Variants in CEACAM20 observed in about 807,000 individuals in gnomAD.
CEACAM20 encodes CEA cell adhesion molecule 20, also known as cell adhesion molecule CEACAM20.
A neutral mutation model predicts 61.2 loss-of-function variants in CEACAM20; 50 were observed. That is an observed-to-expected ratio of 0.82 (90% CI 0.65 to 1.03). The LOEUF is 1.03. Ranked by LOEUF, CEACAM20 falls within the 50% of genes least tolerant of loss-of-function variation. The pLI is 0.00. For synonymous variants in CEACAM20, 282 were observed against 287.7 expected (o/e 0.98, Z 0.20); for missense variants, 683 against 736.4 (o/e 0.93, Z 0.84).
chr19:44,511,841 A>G (rs1971010109), intron 9 of CEACAM20, among the ~76,000 whole-genome samples, 169 bp from the exon 10 acceptor site: 1 of 152,186 alleles, frequency 6.6e-6, no homozygotes, highest in South Asian at 2.1e-4. Flanking sequence ...AGGAGAAGAG[A>G]TGAAAAAACC....
intron 5 of CEACAM20, among the ~76,000 whole-genome samples, chr19:44,517,564 G>A (rs1971203926): frequency 1.3e-5 from 2 of 151,940 alleles, no homozygotes; most frequent in African/African-American, 4.8e-5. Flanking sequence ...GGGCGTAGTG[G>A]CACGCACCTG....
At chr19:44,508,355 T>C (rs1237811364) in intron 11 of CEACAM20, among the ~76,000 whole-genome samples, 3 of 152,218 alleles carry the variant, frequency 2.0e-5, no homozygotes, top group Admixed American at 6.5e-5. Flanking sequence ...ACTGGAATTT[T>C]GCTTATGCCT....
intron 5 of CEACAM20, among the ~76,000 whole-genome samples, chr19:44,519,058 G>A (rs182477229): frequency 9.9e-5 from 15 of 152,022 alleles, no homozygotes; most frequent in Admixed American, 5.2e-4. Flanking sequence ...CAAGGCCATC[G>A]CACACTCTCT....
At chr19:44,517,916 GAAAAAT>G (rs1971217965) in intron 5 of CEACAM20, among the ~76,000 whole-genome samples, 1 of 151,252 alleles carries the variant, frequency 6.6e-6, no homozygotes, top group Non-Finnish European at 1.5e-5. Flanking sequence ...CGTCTCTACT[GAAAAAT>G]AAAAATAAAA....
At chr19:44,527,206 G>T (rs1971556423) in intron 1 of CEACAM20, among the ~76,000 whole-genome samples, 1 of 152,128 alleles carries the variant, frequency 6.6e-6, no homozygotes, top group South Asian at 2.1e-4. Context: ...GGTTGTGAAG[G>T]CTGAGTGAGA....
chr19:44,521,111 T>C (rs1251408472), intron 4 of CEACAM20, among the ~76,000 whole-genome samples: 1 of 152,064 alleles, frequency 6.6e-6, no homozygotes, highest in Non-Finnish European at 1.5e-5. Context: ...TGTATATATT[T>C]GTTGTATATG....
intron 1 of CEACAM20, among the ~76,000 whole-genome samples, chr19:44,528,956 CT>C (rs71171255): frequency 0.015 from 1,371 of 92,574 alleles, 11 homozygotes; most frequent in African/African-American, 0.048. Context: ...CTCTTTCTTT[CT>C]TTTTTTTTTT....
At chr19:44,519,544 T>C (rs1971290610) in intron 5 of CEACAM20, among the ~76,000 whole-genome samples, 1 of 152,144 alleles carries the variant, frequency 6.6e-6, no homozygotes, top group South Asian at 2.1e-4. Context: ...ATCTTCTCCA[T>C]CTTGGTTCGT....
chr19:44,515,185 G>C (rs1416445602), intron 6 of CEACAM20, among the ~76,000 whole-genome samples: 1 of 151,586 alleles, frequency 6.6e-6, no homozygotes, highest in African/African-American at 2.4e-5. Context: ...AAAACTACTA[G>C]CACAGTGCCT....
chr19:44,517,172 G>T lies in CEACAM20; in HGVS notation c.1083C>A (p.Ser361Arg). ...ITRESASEMI[S>R]TIEAELNSSL... ...TGGAGTTGAGCTCTGCCTCTATGGT[G>T]CTGATCATCTCAGATGCCGACTCCC... is the stretch of plus-strand genomic sequence containing the variant. The change falls in exon 6 of 12, where the codon AGC (serine) becomes AGA (arginine). Residue 361 changes from serine (S) to arginine (R), a missense_variant. Ser to Arg is a moderately radical substitution (Grantham distance 110, BLOSUM62 -1). Transcript: ENST00000614924. 2 of 1,612,516 alleles carry T rather than the reference G, an allele frequency of 1.2e-6. No homozygotes were observed. The highest frequency in any genetic ancestry group is 1.7e-6 in the Non-Finnish European group (2 of 1,179,886).
chr19:44,506,605 G>A (rs1313198642), intron 11 of CEACAM20, among the ~76,000 whole-genome samples: 2 of 152,226 alleles, frequency 1.3e-5, no homozygotes, highest in East Asian at 3.8e-4. Flanking sequence ...GCTTGAAGAA[G>A]CAAGATGCAA....
At chr19:44,524,402 T>A in intron 2 of CEACAM20, 141 bp from the exon 3 acceptor site, 1 of 876,770 alleles carries the variant, frequency 1.1e-6, no homozygotes, top group South Asian at 1.7e-5. Flanking sequence ...TGGGCTTGAA[T>A]GCTGGATCTA....
At chr19:44,519,942 A>G (rs1401235015) in intron 5 of CEACAM20, among the ~76,000 whole-genome samples, 4 of 152,130 alleles carry the variant, frequency 2.6e-5, no homozygotes, top group Non-Finnish European at 4.4e-5. Flanking sequence ...CTTCAAGTGC[A>G]TGGTTATCCA....
intron 8 of CEACAM20, among the ~76,000 whole-genome samples, chr19:44,512,511 C>T (rs1055073534): frequency 1.3e-5 from 2 of 152,176 alleles, no homozygotes; most frequent in African/African-American, 2.4e-5. Flanking sequence ...GTAGAGGGCA[C>T]TCGAGGCACT....
chr19:44,529,468 G>C lies in CEACAM20; in HGVS notation c.42C>G (p.Ile14Met). ...AAGCAGGGCACTCACCTGAAAGCAG[G>C]ATTCCCATCCAGTGGTGTCCCCATG... The part of the protein sequence containing the change: ...ADSWGHHWMG[I>M]LLSASLCTVW... The change falls in exon 1 of 12, where the codon ATC (isoleucine) becomes ATG (methionine). Residue 14 changes from isoleucine (I) to methionine (M), a missense_variant. By Grantham distance (10) the Ile-to-Met change is conservative. Transcript: ENST00000614924. 6.2e-7 allele frequency: 1 copy of C among 1,613,274 alleles called. No individual in the cohort carries two copies. The highest frequency in any genetic ancestry group is 8.5e-7 in the Non-Finnish European group (1 of 1,179,734).
chr19:44,520,363 C>T, intron 5 of CEACAM20, 111 bp downstream of exon 5: 1 of 1,409,950 alleles, frequency 7.1e-7, no homozygotes, highest in Non-Finnish European at 9.6e-7. Flanking sequence ...AGATTCATGC[C>T]TGACACAGAG....
intron 11 of CEACAM20, among the ~76,000 whole-genome samples, chr19:44,509,165 A>C (rs1467888710): frequency 6.6e-6 from 1 of 152,220 alleles, no homozygotes; most frequent in Non-Finnish European, 1.5e-5. Context: ...ATGATGTCCA[A>C]AGAAGTGCAA....
chr19:44,529,664 C>A lies in CEACAM20; in HGVS notation c.-155G>T. On this transcript the variant is annotated 5_prime_UTR_variant, in exon 1 of 12. Transcript: ENST00000614924. ...CACACACACTGCAGTAACTGCAGCT[C>A]CCAGGACAGACAGGGGTGGTGGCAG... The A allele has an allele frequency of 1.6e-6, 1 of 620,264 alleles. No homozygotes were observed. The highest frequency in any genetic ancestry group is 2.9e-6 in the Non-Finnish European group (1 of 350,690). 38.4% of individuals were successfully genotyped at this position (620,264 alleles called of 1,614,324 possible). A position where few individuals can be genotyped will look rare whatever the true frequency, so the allele number is the denominator to read the frequency against.
chr19:44,518,167 G>GAAGGAAGGAAGGAAGGAAGGAAGGAAGA (rs1555743496), intron 5 of CEACAM20, among the ~76,000 whole-genome samples: 1 of 48,636 alleles, frequency 2.1e-5, no homozygotes, highest in African/African-American at 9.6e-5. Context: ...AGGAAGGAAG[G>GAAGGAAGGAAGGAAGGAAGGAAGGAAGA]AAGAAAGCAG....
Sources: allele counts gnomAD v4.1 joint callset (sites outside exome capture counted in the v4.1 genomes callset), GRCh38; gene constraint gnomAD v4.1.1; transcripts MANE v1.5; gene names NCBI Gene and HGNC (gene_info 2026-07-23, HGNC 2026-07-21).